SCAF1: variants seen among roughly 807,000 people sequenced by gnomAD.
The protein encoded by SCAF1 is SR-related CTD associated factor 1.
A neutral mutation model predicts 91.2 loss-of-function variants in SCAF1; 28 were observed. The observed-to-expected ratio is 0.31, with a 90% confidence interval of 0.23 to 0.42. SCAF1 has a LOEUF of 0.42. Among genes scored for constraint, SCAF1 ranks in the 10% least tolerant of loss-of-function variants. The pLI, the probability that SCAF1 is intolerant of heterozygous loss-of-function variation, is 1.00. For missense variants in SCAF1, 1,893 were observed against 1,872.1 expected, an observed-to-expected ratio of 1.01 and a Z score of -0.21; for synonymous variants, 1,036 against 833.7, an observed-to-expected ratio of 1.24 and a Z score of -4.18.
Position 49,645,102 on chromosome 19 carries a change from G to C in SCAF1, c.76G>C (p.Asp26His), listed in dbSNP as rs1214517631. 4 of 1,614,166 alleles carry C rather than the reference G, an allele frequency of 2.5e-6. No homozygotes were observed. The highest frequency in any genetic ancestry group is 3.4e-6 in the Non-Finnish European group (4 of 1,180,022). ...TCGGGGCGATGGTCCGCCAGACAGAGACCCCACGCTTTCTCCTTCTGCCTT... is the reference window on the plus strand; with the variant it reads ...TCGGGGCGATGGTCCGCCAGACAGACACCCCACGCTTTCTCCTTCTGCCTT... The part of the protein sequence containing the change: ...EDRGDGPPDR[D>H]PTLSPSAFIL... The change falls in exon 2 of 11, where the codon GAC becomes CAC. Residue 26 changes from aspartate to histidine, a missense_variant. This residue lies in a region of SCAF1 where 270 missense variants were observed against 292.5 expected (regional missense o/e 0.92). Transcript: ENST00000360565. This position sits in a 1 kb window ranked among gnomAD's most constrained non-coding sequence, Gnocchi z 4.6.
At position 49,651,386 on chromosome 19, in the gene SCAF1, C is replaced by T; in HGVS notation, c.997C>T (p.Pro333Ser). 2 of 1,607,770 alleles carry T rather than the reference C, an allele frequency of 1.2e-6. No homozygotes were observed. The highest frequency in any genetic ancestry group is 1.7e-6 in the Non-Finnish European group (2 of 1,179,104). The change falls in exon 7 of 11, where the codon CCT (proline) becomes TCT (serine). Residue 333 changes from proline (P) to serine (S), a missense_variant. Pro to Ser is a moderately conservative substitution (Grantham distance 74, BLOSUM62 -1). Coordinates refer to ENST00000360565, the MANE Select transcript of SCAF1 (RefSeq NM_021228.3). ...GCAGCCCACACAGCCGACTCCCGCCCCTGGAACGCCGCCCCAGGTGGACTC... is the reference window on the plus strand; with the variant it reads ...GCAGCCCACACAGCCGACTCCCGCCTCTGGAACGCCGCCCCAGGTGGACTC... Reference protein sequence around the residue: ...DAQPTQPTPAPGTPPQVDSTR... With the variant: ...DAQPTQPTPASGTPPQVDSTR...
intron 9 of SCAF1, among the ~76,000 whole-genome samples, chr19:49,656,739 T>C (rs2081141685): frequency 6.6e-6 from 1 of 151,974 alleles, no homozygotes; most frequent in Admixed American, 6.6e-5. Context: ...CCCATGGCCA[T>C]CCCCCTTGGA....
intron 6 of SCAF1, among the ~76,000 whole-genome samples, chr19:49,648,644 A>C (rs1303864383): frequency 2.7e-5 from 4 of 146,282 alleles, no homozygotes. Flanking sequence ...TGACATTCTT[A>C]GGGGCCCACA....
At position 49,646,269 on chromosome 19, in the gene SCAF1, G is replaced by T. The variant is rs971755001; in HGVS notation, c.261+67G>T. 5.5e-6 allele frequency: 7 copies of T among 1,280,046 alleles called. No individual in the cohort carries two copies. The African/African-American group carries it at 7.5e-5, about 14-fold the overall frequency. The allele number at this position is 1,280,046 out of a possible 1,614,324, so 79.3% of individuals were successfully genotyped here. Reference sequence around the variant, plus strand: ...CAGGGAGGAAGGGATGGGGGCCTGAGTCTGGGGGAATGGGGTTTGGGGACC... The same window carrying T: ...CAGGGAGGAAGGGATGGGGGCCTGATTCTGGGGGAATGGGGTTTGGGGACC... On this transcript the variant is annotated intron_variant, in intron 4 of 10. Coordinates refer to ENST00000360565, the MANE Select transcript of SCAF1 (RefSeq NM_021228.3). This position sits in a 1 kb window ranked among gnomAD's most constrained non-coding sequence, Gnocchi z 5.6.
chr19:49,643,691 GACAGTC>G (rs1174142597), intron 1 of SCAF1, among the ~76,000 whole-genome samples: 1 of 152,244 alleles, frequency 6.6e-6, no homozygotes, highest in African/African-American at 2.4e-5. Flanking sequence ...TCTGATATGT[GACAGTC>G]ACTGTTGTAG....
chr19:49,654,674 C>T lies in SCAF1; in HGVS notation c.3422C>T (p.Pro1141Leu). The part of the protein sequence containing the change: ...TNQILSHRKP[P>L]SSLGMTPAPV... ...CAGATCCTCAGCCACAGAAAGCCAC[C>T]CTCAAGTCTGGGGATGACCCCAGCT... Residue 1141 changes from proline (P) to leucine (L), a missense_variant, in exon 9 of 11, where the codon CCC becomes CTC. Around this residue, in one of 5 missense-constraint regions of SCAF1, gnomAD observed 1,436 missense variants for 1,306.8 expected, o/e 1.10. Transcript: ENST00000360565. 6.2e-7 allele frequency: 1 copy of T among 1,613,326 alleles called. No individual in the cohort carries two copies.
At chr19:49,648,235 G>C (rs2081066130) in intron 6 of SCAF1, among the ~76,000 whole-genome samples, 1 of 151,852 alleles carries the variant, frequency 6.6e-6, no homozygotes, top group South Asian at 2.1e-4. Context: ...TCAGCCTCCT[G>C]AGTAGCAGGG....
At chr19:49,655,351 G>A (rs1249971086) in intron 9 of SCAF1, among the ~76,000 whole-genome samples, 1 of 152,078 alleles carries the variant, frequency 6.6e-6, no homozygotes, top group Admixed American at 6.5e-5. Context: ...TCTTGGTCAG[G>A]TCTAGATGTG....
chr19:49,651,013 T>TCCCCC lies in SCAF1; in HGVS notation c.625_629dup (p.Pro212HisfsTer101). The TCCCCC allele has an allele frequency of 7.1e-6, 1 of 141,672 alleles. No homozygotes were observed. The highest frequency in any genetic ancestry group is 1.6e-4 in the Admixed American group (1 of 6,432). 8.8% of individuals were successfully genotyped at this position (141,672 alleles called of 1,614,324 possible). ...CTCCCTCATCTTCCTCCCCTTCCCC[T>TCCCCC]CCCCCACCCCCACCGCCCCCTGCAC... On this transcript the variant is annotated frameshift_variant, in exon 7 of 11. Transcript: ENST00000360565. LOFTEE classifies it high-confidence loss of function.
At position 49,657,856 on chromosome 19, in the gene SCAF1, G is replaced by A; in HGVS notation, c.3714G>A (p.Glu1238=). Residue 1238 remains glutamate (E), a synonymous_variant, in exon 10 of 11, where the codon GAG becomes GAA. Coordinates refer to ENST00000360565, the MANE Select transcript of SCAF1 (RefSeq NM_021228.3). Reference sequence around the variant, plus strand: ...AGAAGAAGGACATCACCAAGGAGGAGTACAAGGACATCCTGAGGAAGGCCG... The same window carrying A: ...AGAAGAAGGACATCACCAAGGAGGAATACAAGGACATCCTGAGGAAGGCCG... ...YYQKKDITKE[E]YKDILRKAVH... 6.2e-7 allele frequency: 1 copy of A among 1,611,742 alleles called. No homozygotes were observed. The highest frequency in any genetic ancestry group is 8.5e-7 in the Non-Finnish European group (1 of 1,178,904).
chr19:49,655,877 C>T (rs1206053275), intron 9 of SCAF1, among the ~76,000 whole-genome samples: 1 of 152,010 alleles, frequency 6.6e-6, no homozygotes, highest in Non-Finnish European at 1.5e-5. Flanking sequence ...CACTATGTTG[C>T]CCAGGCTGGT....
chr19:49,648,040 C>T (rs562535623), intron 6 of SCAF1, among the ~76,000 whole-genome samples: 2 of 152,318 alleles, frequency 1.3e-5, no homozygotes, highest in South Asian at 4.1e-4. Context: ...TCAAGTTATC[C>T]TGTTGTCTCA....
Position 49,653,633 on chromosome 19 carries a change from C to T in SCAF1, c.3244C>T (p.Pro1082Ser). Reference sequence around the variant, plus strand: ...GCCAGCTTCCCGTGTCTCCCAGCTGCCCACGTTGCCCCCGCCCATGCCCTG... The same window carrying T: ...GCCAGCTTCCCGTGTCTCCCAGCTGTCCACGTTGCCCCCGCCCATGCCCTG... ...DGPASRVSQL[P>S]TLPPPMPWNL... Residue 1082 changes from proline (P) to serine (S), a missense_variant, in exon 7 of 11, where the codon CCC becomes TCC. Coordinates refer to ENST00000360565, the MANE Select transcript of SCAF1 (RefSeq NM_021228.3). 6.3e-7 allele frequency: 1 copy of T among 1,586,328 alleles called. No homozygotes were observed. Among genetic ancestry groups the T allele is most frequent in the Non-Finnish European group, 8.5e-7 (1 of 1,171,194 alleles).
chr19:49,652,834 C>G lies in SCAF1; in HGVS notation c.2445C>G (p.Ser815Arg). ...CCCCGCCAAAGCCACCAGTCAGCAG[C>G]GGCTCAGGCTCTTCATCCTCGTCGT... ...SGPPPKPPVS[S>R]GSGSSSSSSS... is the part of the protein sequence containing the mutation. Residue 815 changes from serine to arginine, a missense_variant, in exon 7 of 11, where the codon AGC becomes AGG. By Grantham distance (110) the Ser-to-Arg change is moderately radical. Around this residue, in one of 5 missense-constraint regions of SCAF1, gnomAD observed 1,436 missense variants for 1,306.8 expected, o/e 1.10. Transcript: ENST00000360565. 2 of 1,614,042 alleles carry G rather than the reference C, an allele frequency of 1.2e-6. No individual in the cohort carries two copies. The highest frequency in any genetic ancestry group is 1.7e-6 in the Non-Finnish European group (2 of 1,179,996).
intron 6 of SCAF1, among the ~76,000 whole-genome samples, chr19:49,650,533 G>T (rs535952973): frequency 2.0e-5 from 3 of 152,258 alleles, no homozygotes; most frequent in Admixed American, 2.0e-4. Flanking sequence ...CAAGGCCAGG[G>T]TACATTGCCC....
chr19:49,647,876 G>T (rs900800576), intron 6 of SCAF1, among the ~76,000 whole-genome samples: 2 of 151,982 alleles, frequency 1.3e-5, no homozygotes, highest in East Asian at 1.9e-4. Context: ...CAAGTGATCC[G>T]CCCGCCTCAG....
intron 8 of SCAF1, 79 bp downstream of exon 8, chr19:49,654,510 G>C: frequency 6.9e-7 from 1 of 1,442,864 alleles, no homozygotes; most frequent in South Asian, 1.2e-5. Context: ...CCGCGGGCCT[G>C]GCAGCTCTGG....
At position 49,653,229 on chromosome 19, in the gene SCAF1, C is replaced by T; in HGVS notation, c.2840C>T (p.Ala947Val). The change falls in exon 7 of 11, where the codon GCG becomes GTG. Residue 947 changes from alanine to valine, a missense_variant. This residue lies in a region of SCAF1 where 1,436 missense variants were observed against 1,306.8 expected (regional missense o/e 1.10). Coordinates refer to ENST00000360565, the MANE Select transcript of SCAF1 (RefSeq NM_021228.3). The stretch of plus-strand genomic sequence containing the variant: ...CAGGTGTCGCTGAAGAAGTCCAAGG[C>T]GGATAGCTGCAGCCAGGCGGCAGGC... ...GGQVSLKKSK[A>V]DSCSQAAGTK... The T allele has an allele frequency of 3.3e-6, 5 of 1,507,974 alleles. No homozygotes were observed. Among genetic ancestry groups the T allele is most frequent in the Non-Finnish European group, 4.4e-6 (5 of 1,127,590 alleles). The allele number at this position is 1,507,974 out of a possible 1,614,324, so 93.4% of individuals were successfully genotyped here.
In SCAF1 at chr19:49,652,912, C is replaced by G. The variant is rs1022552044; in HGVS notation, c.2523C>G (p.Ile841Met). 2 of 1,613,758 alleles carry G rather than the reference C, an allele frequency of 1.2e-6. No homozygotes were observed. Among genetic ancestry groups the G allele is most frequent in the Non-Finnish European group, 1.7e-6 (2 of 1,179,988 alleles). ...VKLQSKVAVL[I>M]REGVSSTTPA... Reference sequence around the variant, plus strand: ...TGCAGTCCAAGGTGGCGGTGCTGATCCGCGAGGGTGTCAGCAGCACCACCC... The same window carrying G: ...TGCAGTCCAAGGTGGCGGTGCTGATGCGCGAGGGTGTCAGCAGCACCACCC... The change falls in exon 7 of 11, where the codon ATC becomes ATG. Residue 841 changes from isoleucine (I) to methionine (M), a missense_variant. By Grantham distance (10) the Ile-to-Met change is conservative. Transcript: ENST00000360565.
Sources: allele counts gnomAD v4.1 joint callset (sites outside exome capture counted in the v4.1 genomes callset), GRCh38; gene constraint gnomAD v4.1.1; regional missense constraint gnomAD v4.1.1; non-coding constraint Gnocchi (gnomAD v3.1); transcripts MANE v1.5; gene names NCBI Gene and HGNC (gene_info 2026-07-23, HGNC 2026-07-21).